LMNTD1: variants seen among roughly 807,000 people sequenced by gnomAD.
The protein encoded by LMNTD1 is lamin tail domain containing 1, also known as lamin tail domain-containing protein 1.
A neutral mutation model predicts 50.9 loss-of-function variants in LMNTD1; 35 were observed. The ratio of observed to expected loss-of-function variants is 0.69; its 90% CI spans 0.53 to 0.91. The LOEUF is 0.91. LMNTD1 is among the 40% of genes least tolerant of loss of function. The probability of loss-of-function intolerance (pLI) is 0.00; values close to 1 mark genes in which losing one functional copy is unlikely to be tolerated. For missense variants in LMNTD1, 470 were observed against 475.5 expected (o/e 0.99, Z 0.11); for synonymous variants, 153 against 161.9 (o/e 0.94, Z 0.42).
At chr12:25,623,299 C>G (rs1407818645) in intron 1 of LMNTD1, among the ~76,000 whole-genome samples, 1 of 151,800 alleles carries the variant, frequency 6.6e-6, no homozygotes, top group Non-Finnish European at 1.5e-5. Flanking sequence ...CCTATAATCC[C>G]AGCACTTTAG....
chr12:25,526,938 T>G lies in LMNTD1; in HGVS notation c.509A>C (p.Glu170Ala). ...ACCCTTGACATTCACTTCAGCTATT[T>G]CAACATCTCCAAGAGAACTAGAAAA... is the stretch of plus-strand genomic sequence containing the variant. ...QFTSSSLGDV[E>A]IAEVNVKGLF... is the part of the protein sequence containing the mutation. Residue 170 changes from glutamate (E) to alanine (A), a missense_variant, in exon 5 of 10, where the codon GAA becomes GCA. Coordinates refer to ENST00000458174, the MANE Select transcript of LMNTD1 (RefSeq NM_001145728.2). 6.2e-7 allele frequency: 1 copy of G among 1,607,198 alleles called. No individual in the cohort carries two copies. Among genetic ancestry groups the G allele is most frequent in the Non-Finnish European group, 8.5e-7 (1 of 1,176,936 alleles).
intron 8 of LMNTD1, among the ~76,000 whole-genome samples, chr12:25,508,976 T>A (rs1940042190): frequency 6.6e-6 from 1 of 152,240 alleles, no homozygotes; most frequent in Non-Finnish European, 1.5e-5. Context: ...TTCCTCTTTA[T>A]AACCAGCCTT....
At chr12:25,562,827 G>A (rs572497668) in intron 1 of LMNTD1, among the ~76,000 whole-genome samples, 28 of 152,218 alleles carry the variant, frequency 1.8e-4, no homozygotes, top group African/African-American at 6.7e-4. Flanking sequence ...TGGAGGCTTT[G>A]CTCATTTCTT....
chr12:25,636,183 C>T (rs112181985), intron 1 of LMNTD1, among the ~76,000 whole-genome samples: 2 of 152,106 alleles, frequency 1.3e-5, no homozygotes, highest in Non-Finnish European at 2.9e-5. Context: ...GAACAGTCAG[C>T]AGAGTAAACA....
At chr12:25,599,332 C>T (rs1945912751) in intron 1 of LMNTD1, among the ~76,000 whole-genome samples, 1 of 151,932 alleles carries the variant, frequency 6.6e-6, no homozygotes, top group Non-Finnish European at 1.5e-5. Flanking sequence ...CCAAATATGA[C>T]AGACCCACAG....
chr12:25,494,782 T>C, intron 9 of LMNTD1, among the ~76,000 whole-genome samples: 1 of 152,298 alleles, frequency 6.6e-6, no homozygotes. Flanking sequence ...TGATTAATTA[T>C]ATATTGTGAA....
At chr12:25,578,672 G>A (rs190251468) in intron 1 of LMNTD1, among the ~76,000 whole-genome samples, 1 of 152,264 alleles carries the variant, frequency 6.6e-6, no homozygotes, top group East Asian at 1.9e-4. Context: ...TGCCAAGTCA[G>A]CATTGAATTT....
chr12:25,597,402 A>G (rs1482103992), intron 1 of LMNTD1, among the ~76,000 whole-genome samples: 1 of 152,120 alleles, frequency 6.6e-6, no homozygotes. Context: ...CTATAAGAAG[A>G]GACAAAGAAG....
At chr12:25,549,185 T>G in intron 3 of LMNTD1, 141 bp downstream of exon 3, 1 of 561,696 alleles carries the variant, frequency 1.8e-6, no homozygotes, top group South Asian at 2.5e-5. Context: ...ATAGTTAAGT[T>G]ACTTTTCATA....
chr12:25,603,336 C>A (rs1426874739), intron 1 of LMNTD1, among the ~76,000 whole-genome samples: 1 of 151,932 alleles, frequency 6.6e-6, no homozygotes. Context: ...TTGCCCAGGC[C>A]GGAGCACAGT....
chr12:25,582,505 G>A (rs1242564725), intron 1 of LMNTD1: 1 of 152,116 alleles, frequency 6.6e-6, no homozygotes, highest in Non-Finnish European at 1.5e-5. Context: ...TGAGAAAAGT[G>A]GAATATTCAA....
intron 1 of LMNTD1, among the ~76,000 whole-genome samples, chr12:25,601,295 G>C (rs139650387): frequency 0.014 from 2,180 of 151,960 alleles, 98 homozygotes; most frequent in Admixed American, 0.082. Flanking sequence ...AGTTACCAGA[G>C]GCTGGGAAGG....
rs182524826 is a variant in LMNTD1, at chr12:25,578,855, C to G, written c.59-32301G>C. Among the ~76,000 whole-genome samples the G allele has an allele frequency of 3.6e-3, 545 of 152,190 alleles. 2 individuals are homozygous for G. Among genetic ancestry groups the G allele is most frequent in the African/African-American group, 0.013 (521 of 41,530 alleles). ...AACAGTACAATGAAATCCAAATAAG[C>G]AAAATTAAGTTTTAAAATACATGTT... On this transcript the variant is annotated intron_variant, in intron 1 of 7. Transcript: ENST00000445693.
At chr12:25,613,574 T>G (rs947182392) in intron 1 of LMNTD1, among the ~76,000 whole-genome samples, 1 of 152,210 alleles carries the variant, frequency 6.6e-6, no homozygotes, top group African/African-American at 2.4e-5. Context: ...TCTGGCAAAA[T>G]GTAAATGAGC....
chr12:25,477,757 T>C (rs984656275), intron 9 of LMNTD1, among the ~76,000 whole-genome samples: 3 of 152,032 alleles, frequency 2.0e-5, no homozygotes, highest in Non-Finnish European at 4.4e-5. Flanking sequence ...GGCATGGTAA[T>C]AGTAAGGGAT....
At chr12:25,537,177 C>G (rs1445827018) in intron 4 of LMNTD1, among the ~76,000 whole-genome samples, 1 of 152,190 alleles carries the variant, frequency 6.6e-6, no homozygotes, top group South Asian at 2.1e-4. Flanking sequence ...CCCAGGCTTG[C>G]TTAGGTAAAC....
intron 1 of LMNTD1, among the ~76,000 whole-genome samples, chr12:25,576,461 A>C (rs979161287): frequency 2.7e-4 from 41 of 152,172 alleles, no homozygotes; most frequent in African/African-American, 9.6e-4. Context: ...GCATTTTTTC[A>C]TGTGTCTGTT....
At chr12:25,554,751 C>T (rs965573905), upstream of LMNTD1, among the ~76,000 whole-genome samples, 1 of 152,136 alleles carries the variant, frequency 6.6e-6, no homozygotes, top group African/African-American at 2.4e-5. Context: ...TCTAGGCATT[C>T]ATGCAGGTGA....
At chr12:25,497,935 T>G (rs1326991191) in intron 9 of LMNTD1, 1 of 152,158 alleles carries the variant, frequency 6.6e-6, no homozygotes, top group Admixed American at 6.5e-5. Flanking sequence ...AATTTTTGGG[T>G]TATTTTACTT....
Sources: allele counts gnomAD v4.1 joint callset (sites outside exome capture counted in the v4.1 genomes callset), GRCh38; gene constraint gnomAD v4.1.1; transcripts MANE v1.5; gene names NCBI Gene and HGNC (gene_info 2026-07-23, HGNC 2026-07-21).